Variants in GPR137 observed in about 807,000 individuals in gnomAD.
GPR137 encodes integral membrane protein GPR137.
A neutral mutation model predicts 38.9 loss-of-function variants in GPR137; 20 were observed. That is an observed-to-expected ratio of 0.51 (90% CI 0.36 to 0.75). The LOEUF is 0.75. Among genes scored for constraint, GPR137 ranks in the 30% least tolerant of loss-of-function variants. The probability of loss-of-function intolerance (pLI) is 0.00; values close to 1 mark genes in which losing one functional copy is unlikely to be tolerated. For synonymous variants in GPR137, 226 were observed against 235.8 expected, an observed-to-expected ratio of 0.96 and a Z score of 0.38; for missense variants, 456 against 526.4, an observed-to-expected ratio of 0.87 and a Z score of 1.31.
At position 64,289,254 on chromosome 11, in the gene GPR137, G is replaced by A. The variant is rs776069574; in HGVS notation, c.*58G>A. 24 of 1,611,758 alleles carry A rather than the reference G, an allele frequency of 1.5e-5. No individual in the cohort carries two copies. The South Asian group carries it at 1.6e-4, about 11-fold the overall frequency. On this transcript the variant is annotated 3_prime_UTR_variant, in exon 7 of 7. Coordinates refer to ENST00000438980, the MANE Select transcript of GPR137 (RefSeq NM_001170880.2). Reference sequence around the variant, plus strand: ...CCAGTCCCCCTCACCCTAGGCCCCTGTGCCAAGTTTGTCTGCCGCTTCTTG... The same window carrying A: ...CCAGTCCCCCTCACCCTAGGCCCCTATGCCAAGTTTGTCTGCCGCTTCTTG...
chr11:64,279,537 C>T (rs537704800), upstream of GPR137, among the ~76,000 whole-genome samples: 42 of 151,926 alleles, frequency 2.8e-4, no homozygotes, highest in Non-Finnish European at 5.0e-4. Flanking sequence ...GAGGCTGAGG[C>T]GGGTGGATCA....
At position 64,289,363 on chromosome 11, in the gene GPR137, T is replaced by C; in HGVS notation, c.*167T>C. 6.3e-7 allele frequency: 1 copy of C among 1,579,036 alleles called. No homozygotes were observed. The highest frequency in any genetic ancestry group is 2.2e-5 in the East Asian group (1 of 44,648). ...TCATAGTGAGCTTGTGCCGTCCCCC[T>C]AGGATGGGGGGCATGGCCCTGGCTG... On this transcript the variant is annotated 3_prime_UTR_variant, in exon 7 of 7. Transcript: ENST00000438980.
At chr11:64,280,359 T>TAAA (rs398115461), upstream of GPR137, among the ~76,000 whole-genome samples, 1 of 113,340 alleles carries the variant, frequency 8.8e-6, no homozygotes, top group Non-Finnish European at 1.9e-5. Context: ...ATAATAATAA[T>TAAA]TTTTTTTTTT....
At chr11:64,276,076 T>C (rs2033033488) in intron 1 of GPR137, among the ~76,000 whole-genome samples, 1 of 152,110 alleles carries the variant, frequency 6.6e-6, no homozygotes. Flanking sequence ...CTTCCAGCTG[T>C]ACCTTGGGCT....
At chr11:64,284,940 C>G, upstream of GPR137, 1 of 1,403,974 alleles carries the variant, frequency 7.1e-7, no homozygotes, top group Non-Finnish European at 9.3e-7. Flanking sequence ...CATTTGGAAC[C>G]TGGAGACCCA....
At chr11:64,284,635 A>G, upstream of GPR137, 3 of 1,528,802 alleles carry the variant, frequency 2.0e-6, no homozygotes, top group Non-Finnish European at 2.6e-6. Context: ...TCTCACCCCA[A>G]GCCCGATCTC....
At position 64,286,379 on chromosome 11, in the gene GPR137, G is replaced by A. The variant is rs201814034; in HGVS notation, c.-146G>A. 1.6e-3 allele frequency: 2,303 copies of A among 1,426,972 alleles called. 36 individuals carry two copies. The South Asian group carries it at 0.024, about 15-fold the overall frequency. 88.4% of individuals were successfully genotyped at this position (1,426,972 alleles called of 1,614,324 possible). On this transcript the variant is annotated 5_prime_UTR_variant, in exon 1 of 7. Transcript: ENST00000438980. ...CAAGGGTCTCTCTGTTGAGGAGGAG[G>A]GGCCTGTCAGCCACAACTTCTTTCC...
At position 64,286,750 on chromosome 11, in the gene GPR137, C is replaced by G. The variant is rs779341581; in HGVS notation, c.226C>G (p.Leu76Val). The G allele has an allele frequency of 4.3e-6, 7 of 1,612,816 alleles. No homozygotes were observed. The highest frequency in any genetic ancestry group is 5.9e-6 in the Non-Finnish European group (7 of 1,179,148). ...CLLWAALRTT[L>V]FSFYFRDTPR... ...GCTCTGGGCCGCCTTGCGTACCACC[C>G]TCTTCTCCTTCTACTTCCGAGATAC... Residue 76 changes from leucine to valine, a missense_variant, in exon 1 of 7, where the codon CTC becomes GTC. Transcript: ENST00000438980.
upstream of GPR137, among the ~76,000 whole-genome samples, chr11:64,282,881 GAAAAAAA>G (rs541902877): frequency 0.01 from 907 of 88,066 alleles, 6 homozygotes; most frequent in African/African-American, 0.037. Flanking sequence ...TCCGTCTCAG[GAAAAAAA>G]AAAAAAAAAA....
upstream of GPR137, among the ~76,000 whole-genome samples, chr11:64,270,898 G>GACACAC (rs1491175311): frequency 5.9e-3 from 516 of 86,892 alleles, 44 homozygotes; most frequent in East Asian, 0.027. Context: ...CATGCCCTGT[G>GACACAC]AGACACACAC....
At chr11:64,280,332 A>AAATAAT (rs144682603), upstream of GPR137, among the ~76,000 whole-genome samples, 1,731 of 123,428 alleles carry the variant, frequency 0.014, 21 homozygotes, top group East Asian at 0.031. Context: ...AAATAAAATA[A>AAATAAT]AATAATAATA....
At chr11:64,284,737 C>G (rs900737074), upstream of GPR137, 1 of 1,535,692 alleles carries the variant, frequency 6.5e-7, no homozygotes, top group African/African-American at 1.4e-5. Context: ...GCGACCTGGC[C>G]CAATCACCTC....
At chr11:64,284,423 G>T, upstream of GPR137, 1 of 1,608,158 alleles carries the variant, frequency 6.2e-7, no homozygotes. Context: ...TGGGGCCAAC[G>T]GTGGCCCTGG....
At chr11:64,275,525 G>A (rs660442), upstream of GPR137, among the ~76,000 whole-genome samples, 24,427 of 152,028 alleles carry the variant, frequency 0.16, 2,518 homozygotes, top group Admixed American at 0.24. Context: ...GCCCCCTACC[G>A]GCCCCTCATA....
chr11:64,271,778 ACT>A, upstream of GPR137: 1 of 1,325,008 alleles, frequency 7.5e-7, no homozygotes, highest in Non-Finnish European at 9.7e-7. Flanking sequence ...AGCTGTGGCG[ACT>A]CCGGATCTCC....
upstream of GPR137, among the ~76,000 whole-genome samples, chr11:64,280,126 G>A (rs988093177): frequency 6.6e-6 from 1 of 151,494 alleles, no homozygotes; most frequent in Non-Finnish European, 1.5e-5. Flanking sequence ...GACCATCCTG[G>A]CTAACATGGT....
chr11:64,287,870 G>T lies in GPR137; in HGVS notation c.557G>T (p.Cys186Phe). The T allele has an allele frequency of 6.2e-7, 1 of 1,604,346 alleles. No homozygotes were observed. The highest frequency in any genetic ancestry group is 8.5e-7 in the Non-Finnish European group (1 of 1,179,930). ...GTGAGCGACTCCCTGTTCGTCATCT[G>T]CGCGCTGTCTCTTGCTGCCTGCCTC... ...VLVSDSLFVI[C>F]ALSLAACLCL... The change falls in exon 3 of 7, where the codon TGC becomes TTC. Residue 186 changes from cysteine to phenylalanine, a missense_variant. Cys to Phe is a radical substitution (Grantham distance 205). Coordinates refer to ENST00000438980, the MANE Select transcript of GPR137 (RefSeq NM_001170880.2).
rs1753963446 is a variant in GPR137 at position 64,286,382 on chromosome 11, C to G, written c.-143C>G. ...GGGTCTCTCTGTTGAGGAGGAGGGGCCTGTCAGCCACAACTTCTTTCCTCC... is the reference window on the plus strand; with the variant it reads ...GGGTCTCTCTGTTGAGGAGGAGGGGGCTGTCAGCCACAACTTCTTTCCTCC... On this transcript the variant is annotated 5_prime_UTR_variant, in exon 1 of 7. Coordinates refer to ENST00000438980, the MANE Select transcript of GPR137 (RefSeq NM_001170880.2). 1.4e-6 allele frequency: 2 copies of G among 1,429,058 alleles called. No homozygotes were observed. The highest frequency in any genetic ancestry group is 1.4e-5 in the African/African-American group (1 of 69,428). The allele number at this position is 1,429,058 out of a possible 1,614,324, so 88.5% of individuals were successfully genotyped here.
upstream of GPR137, chr11:64,270,694 T>A (rs950244365): frequency 1.1e-5 from 6 of 522,016 alleles, no homozygotes; most frequent in Non-Finnish European, 2.2e-5. Context: ...CTTTGGGAGG[T>A]TGAAGCGGGA....
Sources: allele counts gnomAD v4.1 joint callset (sites outside exome capture counted in the v4.1 genomes callset), GRCh38; gene constraint gnomAD v4.1.1; transcripts MANE v1.5; gene names NCBI Gene and HGNC (gene_info 2026-07-23, HGNC 2026-07-21).